The following ADGRE5 variants were observed in gnomAD, a reference collection of about 807,000 sequenced individuals.
ADGRE5 encodes adhesion G protein-coupled receptor E5, also known as CD97 molecule.
Under a neutral mutation model 100.3 loss-of-function variants are expected in ADGRE5, and 72 were observed. The observed-to-expected ratio is 0.72, with a 90% CI of 0.59 to 0.87. ADGRE5 has a LOEUF of 0.87. ADGRE5 is among the 40% of genes least tolerant of loss of function. The pLI, the probability that ADGRE5 is intolerant of heterozygous loss-of-function variation, is 0.00. For missense variants in ADGRE5, 959 were observed against 1,094.7 expected (o/e 0.88, Z 1.75); for synonymous variants, 439 against 447.8 (o/e 0.98, Z 0.25).
At chr19:14,381,732 G>C (rs1975165788) in intron 1 of ADGRE5, among the ~76,000 whole-genome samples, 187 bp downstream of exon 1, 1 of 152,154 alleles carries the variant, frequency 6.6e-6, no homozygotes, top group Admixed American at 6.5e-5. Flanking sequence ...CCCACACCCC[G>C]GCAGGAACTC....
chr19:14,406,864 C>A lies in ADGRE5; in HGVS notation c.2116-5C>A. On this transcript the variant is annotated splice_polypyrimidine_tract_variant and splice_region_variant and intron_variant, in intron 16 of 19. Coordinates refer to ENST00000242786, the MANE Select transcript of ADGRE5 (RefSeq NM_078481.4). The surrounding 1 kb of genome is among the most constrained non-coding windows in gnomAD (Gnocchi z 6.0). The stretch of plus-strand genomic sequence containing the variant: ...CCTCTAACCCACAATCTGCTCCCTG[C>A]CCAGTGCAATGCTGTCATTTTCGTG... The A allele has an allele frequency of 1.9e-6, 3 of 1,613,674 alleles. No individual in the cohort carries two copies. The highest frequency in any genetic ancestry group is 2.5e-6 in the Non-Finnish European group (3 of 1,179,550).
chr19:14,389,350 G>T, intron 3 of ADGRE5, among the ~76,000 whole-genome samples: 1 of 74,574 alleles, frequency 1.3e-5, no homozygotes, highest in South Asian at 6.6e-4. Flanking sequence ...GGGAGGGGAA[G>T]GGGAGGGGGA....
Position 14,407,167 on chromosome 19 carries a change from A to G in ADGRE5, c.2314A>G (p.Thr772Ala). The G allele has an allele frequency of 3.1e-6, 5 of 1,614,070 alleles. No individual in the cohort carries two copies. Among genetic ancestry groups the G allele is most frequent in the Non-Finnish European group, 4.2e-6 (5 of 1,180,014 alleles). Residue 772 changes from threonine (T) to alanine (A), a missense_variant, in exon 18 of 20, where the codon ACC (threonine) becomes GCC (alanine). By Grantham distance (58) the Thr-to-Ala change is moderately conservative. Coordinates refer to ENST00000242786, the MANE Select transcript of ADGRE5 (RefSeq NM_078481.4). ...DRSLVLTYVF[T>A]ILNCLQGAFL... ...GAGCTTGGTGCTGACCTATGTGTTTACCATCCTCAACTGCCTGCAGGGCGC... is the reference window on the plus strand; with the variant it reads ...GAGCTTGGTGCTGACCTATGTGTTTGCCATCCTCAACTGCCTGCAGGGCGC...
At position 14,402,631 on chromosome 19, in the gene ADGRE5, C is replaced by G; in HGVS notation, c.1218C>G (p.Asn406Lys). 6.2e-7 allele frequency: 1 copy of G among 1,614,116 alleles called. No homozygotes were observed. The highest frequency in any genetic ancestry group is 8.5e-7 in the Non-Finnish European group (1 of 1,179,988). Residue 406 changes from asparagine to lysine, a missense_variant, in exon 12 of 20, where the codon AAC becomes AAG. Around this residue, in one of 6 missense-constraint regions of ADGRE5, gnomAD observed 246 missense variants for 242.2 expected, o/e 1.02. Coordinates refer to ENST00000242786, the MANE Select transcript of ADGRE5 (RefSeq NM_078481.4). ...TGGCGGGCATCCTCTCCATCCAGAA[C>G]ATGACGACATTGCTGGCCAATGCCT... ...PAVAGILSIQ[N>K]MTTLLANASL...
In ADGRE5 at chr19:14,404,369, C is replaced by T. The variant is rs1976133449; in HGVS notation, c.1450-14C>T. ...TCCAGGCCAACCTTTCTGACCACCCCCATCTGCCCACAGGACGTGATGCCT... is the reference window on the plus strand; with the variant it reads ...TCCAGGCCAACCTTTCTGACCACCCTCATCTGCCCACAGGACGTGATGCCT... On this transcript the variant is annotated splice_polypyrimidine_tract_variant and intron_variant, in intron 12 of 19. Coordinates refer to ENST00000242786, the MANE Select transcript of ADGRE5 (RefSeq NM_078481.4). 6.2e-7 allele frequency: 1 copy of T among 1,601,628 alleles called. No homozygotes were observed. Among genetic ancestry groups the T allele is most frequent in the Admixed American group, 1.7e-5 (1 of 58,510 alleles).
At position 14,397,560 on chromosome 19, in the gene ADGRE5, G is replaced by T. The variant is rs1031513248; in HGVS notation, c.626-98G>T. On this transcript the variant is annotated intron_variant, in intron 6 of 19. Transcript: ENST00000242786. ...AACCCAGCGTCCACCACTCCAAGGG[G>T]GGCACTAATGCCGGGAGGAATGAGC... is the stretch of plus-strand genomic sequence containing the variant. The T allele has an allele frequency of 1.4e-5, 22 of 1,599,602 alleles. No homozygotes were observed. The African/African-American group carries it at 2.8e-4, about 21-fold the overall frequency.
At chr19:14,390,090 A>G (rs2146352535) in intron 3 of ADGRE5, among the ~76,000 whole-genome samples, 1 of 144,346 alleles carries the variant, frequency 6.9e-6, no homozygotes, top group South Asian at 2.4e-4. Context: ...AAAAAAGAGA[A>G]GAAAAGAACA....
intron 1 of ADGRE5, among the ~76,000 whole-genome samples, chr19:14,388,022 G>A (rs1015752091): frequency 3.9e-5 from 6 of 152,040 alleles, no homozygotes; most frequent in African/African-American, 1.4e-4. Flanking sequence ...ATTGCAGTGA[G>A]CCAAGATCAC....
intron 9 of ADGRE5, among the ~76,000 whole-genome samples, chr19:14,400,015 CA>C (rs1975946343): frequency 2.0e-5 from 3 of 148,356 alleles, no homozygotes; most frequent in African/African-American, 7.5e-5. Flanking sequence ...CTAATTTTTT[CA>C]TTTTTTTTTT....
rs559006075 is a variant in ADGRE5, at chr19:14,400,621, G to A, written c.898-765G>A. Among the ~76,000 whole-genome samples the A allele has an allele frequency of 2.2e-4, 33 of 151,538 alleles. 1 individual carries two copies. The highest frequency in any genetic ancestry group is 6.1e-4 in the African/African-American group (25 of 41,290). On this transcript the variant is annotated intron_variant, in intron 9 of 19. Coordinates refer to ENST00000242786, the MANE Select transcript of ADGRE5 (RefSeq NM_078481.4). Reference sequence around the variant, plus strand: ...AGCCTGGCCAACATGGTGAAAACCCGTCTCTAAAATAACAAAAAAAATTAG... The same window carrying A: ...AGCCTGGCCAACATGGTGAAAACCCATCTCTAAAATAACAAAAAAAATTAG...
chr19:14,385,378 A>G (rs545868416), intron 1 of ADGRE5, among the ~76,000 whole-genome samples: 1 of 137,650 alleles, frequency 7.3e-6, no homozygotes, highest in Non-Finnish European at 1.6e-5. Context: ...TTTCTTTCTG[A>G]CTCTTTCTCT....
chr19:14,390,620 G>A (rs183572306), intron 3 of ADGRE5, among the ~76,000 whole-genome samples: 5 of 152,074 alleles, frequency 3.3e-5, no homozygotes, highest in African/African-American at 7.2e-5. Context: ...CACTGCACCC[G>A]GCCGCCATGG....
chr19:14,407,657 C>G (rs1011616553), intron 18 of ADGRE5, among the ~76,000 whole-genome samples: 1 of 142,522 alleles, frequency 7.0e-6, no homozygotes, highest in African/African-American at 2.9e-5. Context: ...AAAAAAAAGC[C>G]GGGTGTGCTG....
chr19:14,407,160 T>C lies in ADGRE5; in HGVS notation c.2307T>C (p.Tyr769=), dbSNP rs1333007553. Residue 769 remains tyrosine (Y), a synonymous_variant, in exon 18 of 20, where the codon TAT becomes TAC. Transcript: ENST00000242786. ...ACGATCGGAGCTTGGTGCTGACCTA[T>C]GTGTTTACCATCCTCAACTGCCTGC... The part of the protein sequence containing the change: ...IFDDRSLVLT[Y]VFTILNCLQG... The C allele has an allele frequency of 1.2e-6, 2 of 1,614,156 alleles. No homozygotes were observed. Among genetic ancestry groups the C allele is most frequent in the Admixed American group, 1.7e-5 (1 of 60,026 alleles).
intron 9 of ADGRE5, among the ~76,000 whole-genome samples, chr19:14,400,256 G>C (rs1017930518): frequency 6.6e-6 from 1 of 151,712 alleles, no homozygotes; most frequent in Non-Finnish European, 1.5e-5. Context: ...TCCTGACCTC[G>C]TGATCCACCC....
chr19:14,398,332 A>G (rs953691895), intron 9 of ADGRE5, 193 bp downstream of exon 9: 3 of 598,658 alleles, frequency 5.0e-6, no homozygotes, highest in Non-Finnish European at 9.1e-6. Flanking sequence ...ACGCATGCAC[A>G]CACACACACC....
In ADGRE5 at chr19:14,408,119, T is replaced by G. The variant is rs1350606069; in HGVS notation, c.2506T>G (p.Ter836GlyextTer38). The change falls in exon 20 of 20, where the codon TGA (stop) becomes GGA (glycine). Residue 836 changes from the stop codon to glycine (G), a stop_lost. Coordinates refer to ENST00000242786, the MANE Select transcript of ADGRE5 (RefSeq NM_078481.4). ...CCTCAGGGCATCAGAGTCCGGCATATGAAGGCGCATGGTTCTGGACGGCCC... is the reference window on the plus strand; with the variant it reads ...CCTCAGGGCATCAGAGTCCGGCATAGGAAGGCGCATGGTTCTGGACGGCCC... ...RALRASESGI[*>G] 6.2e-7 allele frequency: 1 copy of G among 1,613,042 alleles called. No individual in the cohort carries two copies.
intron 1 of ADGRE5, among the ~76,000 whole-genome samples, chr19:14,382,479 A>G (rs1975193037): frequency 6.6e-6 from 1 of 152,212 alleles, no homozygotes; most frequent in Non-Finnish European, 1.5e-5. Flanking sequence ...AATGGAGCAC[A>G]ACCCGTCTCC....
In ADGRE5 at chr19:14,408,491, T is replaced by A; in HGVS notation, c.*370T>A. The A allele has an allele frequency of 2.0e-6, 1 of 489,448 alleles. No homozygotes were observed. The highest frequency in any genetic ancestry group is 3.7e-6 in the Non-Finnish European group (1 of 269,970). The allele number at this position is 489,448 out of a possible 1,614,324, so 30.3% of individuals were successfully genotyped here. On this transcript the variant is annotated 3_prime_UTR_variant, in exon 20 of 20. Transcript: ENST00000242786. ...TCCTCTCATGTCTTTGCTGCAGAAC[T>A]GAAGAGACTAGGCGCTGGGGCTCAG... is the stretch of plus-strand genomic sequence containing the variant.
Sources: allele counts gnomAD v4.1 joint callset (sites outside exome capture counted in the v4.1 genomes callset), GRCh38; gene constraint gnomAD v4.1.1; regional missense constraint gnomAD v4.1.1; non-coding constraint Gnocchi (gnomAD v3.1); transcripts MANE v1.5; gene names NCBI Gene and HGNC (gene_info 2026-07-23, HGNC 2026-07-21).